The following ARSB variants were observed in gnomAD, a reference collection of about 807,000 sequenced individuals.
The protein encoded by ARSB is N-acetylgalactosamine-4-sulfatase.
Under a neutral mutation model 50.9 loss-of-function variants are expected in ARSB, and 41 were observed. The observed-to-expected ratio is 0.81, with a 90% CI of 0.63 to 1.04. ARSB has a LOEUF of 1.04. ARSB is among the 50% of genes least tolerant of loss of function. The probability of loss-of-function intolerance (pLI) is 0.00; values close to 1 mark genes in which losing one functional copy is unlikely to be tolerated. For missense variants in ARSB, 672 were observed against 693.3 expected, an observed-to-expected ratio of 0.97 and a Z score of 0.35; for synonymous variants, 269 against 284.8, an observed-to-expected ratio of 0.94 and a Z score of 0.56.
chr5:78,969,550 T>C (rs1328695360), intron 1 of ARSB, among the ~76,000 whole-genome samples: 1 of 152,190 alleles, frequency 6.6e-6, no homozygotes, highest in African/African-American at 2.4e-5. Context: ...ACACAAGAAG[T>C]TGGTGTTTGA....
chr5:78,808,076 G>C (rs1181388582), intron 6 of ARSB, among the ~76,000 whole-genome samples: 5 of 102,922 alleles, frequency 4.9e-5, no homozygotes, highest in Non-Finnish European at 8.7e-5. Flanking sequence ...CTGGGCGACA[G>C]AGCGAGACTC....
chr5:78,933,144 A>G (rs1750415086), intron 4 of ARSB, among the ~76,000 whole-genome samples: 1 of 152,244 alleles, frequency 6.6e-6, no homozygotes, highest in Non-Finnish European at 1.5e-5. Context: ...TGCTCATCAC[A>G]CAGAAGATGC....
intron 6 of ARSB, among the ~76,000 whole-genome samples, chr5:78,831,046 A>T (rs1744653282): frequency 1.3e-5 from 2 of 152,284 alleles, no homozygotes; most frequent in African/African-American, 4.8e-5. Context: ...ATAATTTAAA[A>T]TTAAAACTAG....
At chr5:78,832,279 T>C (rs1383774297) in intron 6 of ARSB, among the ~76,000 whole-genome samples, 1 of 152,080 alleles carries the variant, frequency 6.6e-6, no homozygotes, top group Non-Finnish European at 1.5e-5. Context: ...ATTGCAATGG[T>C]GCTGAATGGT....
At chr5:78,848,321 G>A (rs1157095880) in intron 5 of ARSB, among the ~76,000 whole-genome samples, 14 of 65,802 alleles carry the variant, frequency 2.1e-4, no homozygotes, top group Admixed American at 1.7e-3. Flanking sequence ...TGCGGTGTTT[G>A]GTTTTTTGTC....
chr5:78,820,023 A>G (rs1744148032), intron 6 of ARSB, among the ~76,000 whole-genome samples: 1 of 152,230 alleles, frequency 6.6e-6, no homozygotes, highest in Non-Finnish European at 1.5e-5. Flanking sequence ...CCTCATGGAT[A>G]GGATTAGTGC....
intron 4 of ARSB, among the ~76,000 whole-genome samples, chr5:78,891,035 T>C (rs577350522): frequency 6.6e-6 from 1 of 152,360 alleles, no homozygotes; most frequent in East Asian, 1.9e-4. Context: ...CCATGAACTC[T>C]GCTTCTCAAG....
intron 4 of ARSB, among the ~76,000 whole-genome samples, chr5:78,911,995 G>C (rs1749333239): frequency 6.6e-6 from 1 of 152,152 alleles, no homozygotes; most frequent in South Asian, 2.1e-4. Context: ...ATCTAAAATA[G>C]AGATCTCAGT....
intron 6 of ARSB, among the ~76,000 whole-genome samples, chr5:78,809,645 G>A (rs957621945): frequency 2.0e-5 from 3 of 152,236 alleles, no homozygotes; most frequent in Non-Finnish European, 4.4e-5. Context: ...CAGAGCCTGC[G>A]GCCAGGCCTA....
intron 6 of ARSB, among the ~76,000 whole-genome samples, chr5:78,827,841 A>C (rs1481473574): frequency 6.6e-6 from 1 of 152,112 alleles, no homozygotes; most frequent in African/African-American, 2.4e-5. Flanking sequence ...AGTCTCTACA[A>C]ATAAACTTCC....
intron 5 of ARSB, among the ~76,000 whole-genome samples, chr5:78,860,174 T>A (rs561295747): frequency 3.3e-5 from 5 of 152,300 alleles, no homozygotes; most frequent in African/African-American, 1.2e-4. Flanking sequence ...GTCCTGGATA[T>A]CTTTGTTAAC....
chr5:78,870,418 A>T (rs995737440), intron 5 of ARSB, among the ~76,000 whole-genome samples: 4 of 113,868 alleles, frequency 3.5e-5, no homozygotes, highest in Non-Finnish European at 7.8e-5. Context: ...ATCCTCAATA[A>T]AATACTGGCA....
chr5:78,968,555 T>G (rs895217322), intron 2 of ARSB, among the ~76,000 whole-genome samples: 23 of 152,052 alleles, frequency 1.5e-4, no homozygotes, highest in African/African-American at 5.3e-4. Flanking sequence ...TTCACCGTGT[T>G]AGTCAGGATG....
Position 78,944,592 on chromosome 5 carries a change from G to A in ARSB, c.898+10703C>T, listed in dbSNP as rs190885259. On this transcript the variant is annotated intron_variant, in intron 4 of 7. Coordinates refer to ENST00000264914, the MANE Select transcript of ARSB (RefSeq NM_000046.5). ...TCAGCAGTGGAGGCTGCAGAACAGC[G>A]GATATTGGTGAACAGCAAATGTTGC... Among the ~76,000 whole-genome samples the A allele has an allele frequency of 3.1e-3, 472 of 152,248 alleles. 1 individual carries two copies. Among genetic ancestry groups the A allele is most frequent in the African/African-American group, 0.011 (438 of 41,558 alleles).
At chr5:78,790,111 C>T (rs1749196343) in intron 6 of ARSB, among the ~76,000 whole-genome samples, 1 of 152,132 alleles carries the variant, frequency 6.6e-6, no homozygotes, top group South Asian at 2.1e-4. Flanking sequence ...GGAAGACCTA[C>T]TGTTGTGACC....
At chr5:78,977,158 CACTT>C (rs1561537772) in intron 1 of ARSB, among the ~76,000 whole-genome samples, 3 of 142,312 alleles carry the variant, frequency 2.1e-5, no homozygotes, top group African/African-American at 8.9e-5. Context: ...TTTCTTTCCC[CACTT>C]CCCCCCCGCG....
chr5:78,858,804 T>C (rs1347535206), intron 5 of ARSB, among the ~76,000 whole-genome samples: 1 of 152,326 alleles, frequency 6.6e-6, no homozygotes, highest in African/African-American at 2.4e-5. Flanking sequence ...CTTGTTATCA[T>C]CTTCACTACC....
chr5:78,870,216 G>A (rs1308763503), intron 5 of ARSB, among the ~76,000 whole-genome samples: 4 of 145,780 alleles, frequency 2.7e-5, no homozygotes, highest in African/African-American at 7.6e-5. Flanking sequence ...AGGATTCACA[G>A]CCGAATTCTA....
At chr5:78,977,266 G>A (rs568116613) in intron 1 of ARSB, among the ~76,000 whole-genome samples, 5 of 151,058 alleles carry the variant, frequency 3.3e-5, no homozygotes, top group South Asian at 2.1e-4. Context: ...CAATTCTCCC[G>A]CCTCAGCCTC....
Sources: allele counts gnomAD v4.1 joint callset (sites outside exome capture counted in the v4.1 genomes callset), GRCh38; gene constraint gnomAD v4.1.1; transcripts MANE v1.5; gene names NCBI Gene and HGNC (gene_info 2026-07-23, HGNC 2026-07-21).